Variants in MGST1 observed in about 807,000 individuals in gnomAD.
The protein encoded by MGST1 is glutathione S-transferase 12.
In MGST1, 5 loss-of-function variants were observed where a neutral mutation model predicts 8.9. That is an observed-to-expected ratio of 0.56 (90% CI 0.29 to 1.19). MGST1 has a LOEUF of 1.19. Ranked by LOEUF, MGST1 falls within the 50% of genes most tolerant of loss-of-function variation. The pLI, the probability that MGST1 is intolerant of heterozygous loss-of-function variation, is 0.08. For missense variants in MGST1, 182 were observed against 187.4 expected (o/e 0.97, Z 0.17); for synonymous variants, 54 against 67.8 (o/e 0.80, Z 1.00).
intron 2 of MGST1, among the ~76,000 whole-genome samples, chr12:16,357,316 G>T (rs1565435243): frequency 6.6e-6 from 1 of 152,064 alleles, no homozygotes; most frequent in Non-Finnish European, 1.5e-5. Context: ...CTAGATTGTA[G>T]TGGTGCAATC....
At chr12:16,499,962 G>A (rs1020548070) in intron 4 of MGST1, among the ~76,000 whole-genome samples, 13 of 152,160 alleles carry the variant, frequency 8.5e-5, no homozygotes, top group South Asian at 6.2e-4. Context: ...AATGTTAAAG[G>A]TACAATGAGA....
intron 3 of MGST1, among the ~76,000 whole-genome samples, chr12:16,360,980 TC>T (rs4149217): frequency 1.4e-5 from 2 of 144,132 alleles, no homozygotes; most frequent in East Asian, 2.1e-4. Context: ...TTTATAGTGT[TC>T]CCCCCCTCCC....
At chr12:16,557,382 T>C (rs1419171708) in intron 4 of MGST1, among the ~76,000 whole-genome samples, 1 of 151,692 alleles carries the variant, frequency 6.6e-6, no homozygotes, top group East Asian at 1.9e-4. Context: ...TTTTTTTTTT[T>C]TTTAAACGTA....
intron 4 of MGST1, among the ~76,000 whole-genome samples, chr12:16,583,046 CAAAAAA>C (rs55665813): frequency 1.6e-5 from 2 of 126,736 alleles, no homozygotes; most frequent in African/African-American, 3.0e-5. Flanking sequence ...GACTCCGCCT[CAAAAAA>C]AAAAAAAAAA....
chr12:16,561,836 G>A lies in MGST1; in HGVS notation n.483-27692G>A, dbSNP rs190943191. ...TATTTTTGTTGGATTGTCTCTTGAA[G>A]AGCATAAGCGCCTTGAAGGTAGAAA... On this transcript the variant is annotated intron_variant and non_coding_transcript_variant, in intron 4 of 4. Transcript: ENST00000538857. 5.1e-4 allele frequency among the ~76,000 whole-genome samples: 77 copies of A among 152,304 alleles called. No homozygotes were observed. The East Asian group carries it at 0.014, about 27-fold the overall frequency.
At chr12:16,404,967 G>A (rs1200296003) in intron 1 of MGST1, among the ~76,000 whole-genome samples, 1 of 152,140 alleles carries the variant, frequency 6.6e-6, no homozygotes, top group Non-Finnish European at 1.5e-5. Context: ...AAATCAAGAA[G>A]TTTTTTGTAA....
At chr12:16,577,502 T>A (rs2137503938) in intron 4 of MGST1, among the ~76,000 whole-genome samples, 1 of 152,208 alleles carries the variant, frequency 6.6e-6, no homozygotes, top group East Asian at 1.9e-4. Context: ...CCTTCTACCC[T>A]CCAGTCAATA....
In MGST1 at chr12:16,560,702, A is replaced by G; in HGVS notation, n.483-28826A>G. On this transcript the variant is annotated intron_variant and non_coding_transcript_variant, in intron 4 of 4. Coordinates refer to the MGST1 transcript ENST00000538857. The surrounding 1 kb of genome is among the most constrained non-coding windows in gnomAD (Gnocchi z 5.0). The stretch of plus-strand genomic sequence containing the variant: ...GTGTATGCATAAATATTCTTCTGCA[A>G]TATATTCTCCGTTGACCTTCCTTGA... 3.0e-6 allele frequency: 2 copies of G among 660,848 alleles called. No individual in the cohort carries two copies. The highest frequency in any genetic ancestry group is 3.6e-5 in the South Asian group (2 of 55,632). The allele number at this position is 660,848 out of a possible 1,614,324, so 40.9% of individuals were successfully genotyped here.
rs1943004661 is a variant in MGST1, at chr12:16,576,639, T to A, written n.483-12889T>A. On this transcript the variant is annotated intron_variant and non_coding_transcript_variant, in intron 4 of 4. Coordinates refer to the MGST1 transcript ENST00000538857. This position sits in a 1 kb window ranked among gnomAD's most constrained non-coding sequence, Gnocchi z 4.1. ...ATAAGCTCCCTGAAAACTTGCCTTCTCCTTTACTCTGCACCTAACACATGT... is the reference window on the plus strand; with the variant it reads ...ATAAGCTCCCTGAAAACTTGCCTTCACCTTTACTCTGCACCTAACACATGT... 6.6e-6 allele frequency among the ~76,000 whole-genome samples: 1 copy of A among 152,212 alleles called. No homozygotes were observed. Among genetic ancestry groups the A allele is most frequent in the African/African-American group, 2.4e-5 (1 of 41,456 alleles).
At chr12:16,408,083 G>A (rs1940711719) in intron 1 of MGST1, among the ~76,000 whole-genome samples, 1 of 148,438 alleles carries the variant, frequency 6.7e-6, no homozygotes, top group African/African-American at 2.5e-5. Context: ...TAGAGCTGGA[G>A]GCCACTATAC....
chr12:16,380,358 T>C (rs1432488990), downstream of MGST1, among the ~76,000 whole-genome samples: 1 of 152,214 alleles, frequency 6.6e-6, no homozygotes, highest in Non-Finnish European at 1.5e-5. Flanking sequence ...TTCTCATTGG[T>C]TTCAAAGAAC....
chr12:16,574,870 CAT>C (rs1942941518), intron 4 of MGST1, among the ~76,000 whole-genome samples: 1 of 152,128 alleles, frequency 6.6e-6, no homozygotes, highest in Admixed American at 6.5e-5. Context: ...TCTAAGATCT[CAT>C]AGTCATTAAC....
rs16912024 is a variant in MGST1 at position 16,559,649 on chromosome 12, T to G, written n.483-29879T>G. Among the ~76,000 whole-genome samples the G allele has an allele frequency of 0.071, 10,797 of 152,104 alleles. 525 individuals carry two copies. The highest frequency in any genetic ancestry group is 0.2 in the East Asian group (1,012 of 5,174). ...AGTACATATAGGACAGGGTTAAAATTTAAGGTAAACAGCTAGATTGGGTGG... is the reference window on the plus strand; with the variant it reads ...AGTACATATAGGACAGGGTTAAAATGTAAGGTAAACAGCTAGATTGGGTGG... On this transcript the variant is annotated intron_variant and non_coding_transcript_variant, in intron 4 of 4. Coordinates refer to the MGST1 transcript ENST00000538857. The surrounding 1 kb of genome is among the most constrained non-coding windows in gnomAD (Gnocchi z 4.1).
chr12:16,471,766 T>A (rs1941290621), intron 4 of MGST1, among the ~76,000 whole-genome samples: 1 of 152,228 alleles, frequency 6.6e-6, no homozygotes, highest in Non-Finnish European at 1.5e-5. Flanking sequence ...TTGGCCAGAA[T>A]GTAGGCCTAC....
chr12:16,505,393 C>G (rs1941531458), intron 4 of MGST1, among the ~76,000 whole-genome samples: 1 of 152,184 alleles, frequency 6.6e-6, no homozygotes, highest in African/African-American at 2.4e-5. Context: ...ATCCTTTAGG[C>G]TCCTTCAGCT....
Position 16,363,959 on chromosome 12 carries a change from A to T in MGST1, c.386A>T (p.Asn129Ile). 6.2e-7 allele frequency: 1 copy of T among 1,613,920 alleles called. No homozygotes were observed. Among genetic ancestry groups the T allele is most frequent in the Non-Finnish European group, 8.5e-7 (1 of 1,179,870 alleles). The change falls in exon 4 of 4, where the codon AAT (asparagine) becomes ATT (isoleucine). Residue 129 changes from asparagine to isoleucine, a missense_variant. Physicochemically the swap from Asn to Ile is moderately radical, Grantham distance 149. Coordinates refer to ENST00000396210, the MANE Select transcript of MGST1 (RefSeq NM_020300.5). The surrounding 1 kb of genome is among the most constrained non-coding windows in gnomAD (Gnocchi z 4.6). ...IAYLTPLPQP[N>I]RALSFFVGYG... ...TATTTGACACCCCTTCCCCAGCCAA[A>T]TAGAGCTTTGAGTTTTTTTGTTGGA... is the stretch of plus-strand genomic sequence containing the variant.
downstream of MGST1, among the ~76,000 whole-genome samples, chr12:16,438,999 C>G (rs1337367115): frequency 1.3e-5 from 2 of 151,632 alleles, no homozygotes; most frequent in African/African-American, 4.8e-5. Flanking sequence ...AACATGAAAG[C>G]CTGTCAAATG....
At chr12:16,462,555 C>CAA (rs397972947) in intron 4 of MGST1, among the ~76,000 whole-genome samples, 10 of 151,406 alleles carry the variant, frequency 6.6e-5, no homozygotes, top group East Asian at 3.9e-4. Flanking sequence ...TTTACCCCCC[C>CAA]AAAAAAAACT....
Position 16,458,123 on chromosome 12 carries a change from G to GCAGT in MGST1, n.482+74519_482+74520insCAGT, listed in dbSNP as rs1941190981. Among the ~76,000 whole-genome samples, 2 of 152,062 alleles carry GCAGT rather than the reference G, an allele frequency of 1.3e-5. No individual in the cohort carries two copies. The highest frequency in any genetic ancestry group is 2.9e-5 in the Non-Finnish European group (2 of 67,922). ...ACCCATTAAAGAAGTGCAAAAGCGT[G>GCAGT]AACCCGAGGGTTACTGCATATTAAT... On this transcript the variant is annotated intron_variant and non_coding_transcript_variant, in intron 4 of 4. Transcript: ENST00000538857. This position sits in a 1 kb window ranked among gnomAD's most constrained non-coding sequence, Gnocchi z 4.0.
Sources: allele counts gnomAD v4.1 joint callset (sites outside exome capture counted in the v4.1 genomes callset), GRCh38; gene constraint gnomAD v4.1.1; non-coding constraint Gnocchi (gnomAD v3.1); transcripts MANE v1.5; gene names NCBI Gene and HGNC (gene_info 2026-07-23, HGNC 2026-07-21).